The following THUMPD3 variants were observed in gnomAD, a reference collection of about 807,000 sequenced individuals.
THUMPD3 encodes the protein tRNA (guanine(6)-N(2))-methyltransferase THUMP3.
THUMPD3 carries 44 observed loss-of-function variants against 54.5 expected under a neutral mutation model. The observed-to-expected ratio is 0.81, with a 90% CI of 0.63 to 1.04. The LOEUF (loss-of-function observed/expected upper bound fraction) is 1.04, where lower values mean the gene tolerates loss of function less well. THUMPD3 is among the 50% of genes least tolerant of loss of function. The probability of loss-of-function intolerance (pLI) is 0.00; values close to 1 mark genes in which losing one functional copy is unlikely to be tolerated. For missense variants in THUMPD3, 604 were observed against 601.3 expected, an observed-to-expected ratio of 1.00 and a Z score of -0.05; for synonymous variants, 196 against 201.4, an observed-to-expected ratio of 0.97 and a Z score of 0.23.
intron 2 of THUMPD3, 43 bp downstream of exon 2, chr3:9,365,363 A>G: frequency 1.3e-6 from 2 of 1,598,386 alleles, no homozygotes; most frequent in South Asian, 1.1e-5. Context: ...TAAGTTGATC[A>G]TTTTATGGTT....
At position 9,384,653 on chromosome 3, in the gene THUMPD3, G is replaced by A. The variant is rs150825613; in HGVS notation, c.1489G>A (p.Gly497Arg). 268 of 1,614,144 alleles carry A rather than the reference G, an allele frequency of 1.7e-4. No homozygotes were observed. Among genetic ancestry groups the A allele is most frequent in the Non-Finnish European group, 2.1e-4 (246 of 1,180,032 alleles). Residue 497 changes from glycine to arginine, a missense_variant, in exon 10 of 10, where the codon GGA (glycine) becomes AGA (arginine). Coordinates refer to ENST00000452837, the MANE Select transcript of THUMPD3 (RefSeq NM_001114092.2). ...QAFVHPSEQD[G>R]ERGTLWQCKE ...TTTTGTTCATCCTTCAGAACAAGAC[G>A]GAGAAAGAGGAACTCTTTGGCAATG...
chr3:9,380,464 T>C (rs1165963370), intron 6 of THUMPD3, 39 bp from the exon 7 acceptor site: 4 of 1,343,622 alleles, frequency 3.0e-6, no homozygotes, highest in African/African-American at 2.9e-5. Context: ...TATTTTACAG[T>C]TTGCTACTTT....
At chr3:9,369,326 A>AAG (rs1166990504) in intron 3 of THUMPD3, among the ~76,000 whole-genome samples, 50 of 151,308 alleles carry the variant, frequency 3.3e-4, no homozygotes, top group African/African-American at 1.2e-3. Context: ...AAAAAAAAAA[A>AAG]AAAAAAAGAA....
chr3:9,371,882 C>CT (rs2032067667), intron 4 of THUMPD3, among the ~76,000 whole-genome samples: 1 of 152,082 alleles, frequency 6.6e-6, no homozygotes, highest in African/African-American at 2.4e-5. Context: ...TGTCTGTTTT[C>CT]TTTTTCTTTT....
chr3:9,370,638 G>A (rs188547818), intron 3 of THUMPD3, among the ~76,000 whole-genome samples: 267 of 152,218 alleles, frequency 1.8e-3, no homozygotes, highest in African/African-American at 6.1e-3. Flanking sequence ...TGGAGACAGA[G>A]TTTTGCCATG....
Position 9,383,282 on chromosome 3 carries a change from T to C in THUMPD3, c.1208T>C (p.Ile403Thr), listed in dbSNP as rs986083097. 4 of 1,613,696 alleles carry C rather than the reference T, an allele frequency of 2.5e-6. No homozygotes were observed. In the African/African-American group the frequency reaches 4.0e-5, roughly 16 times the overall value. ...LPLRTGSVDI[I>T]VTDLPFGKRM... The stretch of plus-strand genomic sequence containing the variant: ...TTGAGAACTGGCTCTGTGGATATTA[T>C]TGTAACAGATTTGCCATTTGGAAAA... The change falls in exon 8 of 10, where the codon ATT becomes ACT. Residue 403 changes from isoleucine to threonine, a missense_variant. Coordinates refer to ENST00000452837, the MANE Select transcript of THUMPD3 (RefSeq NM_001114092.2).
chr3:9,383,068 TAG>T (rs2033042984), intron 7 of THUMPD3, 129 bp from the exon 8 acceptor site: 4 of 565,354 alleles, frequency 7.1e-6, no homozygotes, highest in Admixed American at 6.0e-5. Context: ...AAATTTTGAA[TAG>T]GTTGATATTA....
chr3:9,365,428 C>T, intron 2 of THUMPD3, 108 bp downstream of exon 2: 1 of 1,347,018 alleles, frequency 7.4e-7, no homozygotes, highest in Non-Finnish European at 1.0e-6. Flanking sequence ...TTGCTCTGCC[C>T]CAAATCAGGT....
At chr3:9,364,752 A>G (rs2031363180) in intron 1 of THUMPD3, among the ~76,000 whole-genome samples, 1 of 152,260 alleles carries the variant, frequency 6.6e-6, no homozygotes, top group African/African-American at 2.4e-5. Context: ...TTTTGTCAAC[A>G]TGGGTTACCC....
chr3:9,381,960 T>G (rs1031930943), intron 7 of THUMPD3, among the ~76,000 whole-genome samples: 5 of 151,386 alleles, frequency 3.3e-5, no homozygotes, highest in African/African-American at 4.8e-5. Flanking sequence ...TTTTTTTGTA[T>G]TTTTAGTAGA....
Position 9,371,359 on chromosome 3 carries a change from T to G in THUMPD3, c.630T>G (p.Asp210Glu). The G allele has an allele frequency of 6.2e-7, 1 of 1,614,162 alleles. No homozygotes were observed. Among genetic ancestry groups the G allele is most frequent in the Non-Finnish European group, 8.5e-7 (1 of 1,180,022 alleles). The change falls in exon 4 of 10, where the codon GAT becomes GAG. Residue 210 changes from aspartate to glutamate, a missense_variant. By Grantham distance (45) the Asp-to-Glu change is conservative. Transcript: ENST00000452837. ...LIGDDLASCK[D>E]ETDESSKEET... ...GTGATGATTTGGCATCTTGCAAAGA[T>G]GAGACTGATGAAAGCTCAAAAGAAG...
chr3:9,370,978 A>C (rs1301121486), intron 3 of THUMPD3, 82 bp from the exon 4 acceptor site: 4 of 1,207,912 alleles, frequency 3.3e-6, no homozygotes, highest in Non-Finnish European at 4.6e-6. Context: ...ACGGATACCA[A>C]CTGTCCATAA....
At chr3:9,384,022 T>G (rs553485502) in intron 8 of THUMPD3, among the ~76,000 whole-genome samples, 190 bp from the exon 9 acceptor site, 10 of 152,258 alleles carry the variant, frequency 6.6e-5, no homozygotes, top group Non-Finnish European at 1.5e-4. Flanking sequence ...TAAAAAAAAT[T>G]TTTTTGATTC....
At chr3:9,374,243 C>G (rs1449509999) in intron 4 of THUMPD3, among the ~76,000 whole-genome samples, 1 of 152,166 alleles carries the variant, frequency 6.6e-6, no homozygotes, top group Non-Finnish European at 1.5e-5. Context: ...GATTTCACCC[C>G]AATTTTTATA....
At chr3:9,365,371 G>A in intron 2 of THUMPD3, 51 bp downstream of exon 2, 2 of 1,592,422 alleles carry the variant, frequency 1.3e-6, no homozygotes, top group Non-Finnish European at 1.7e-6. Context: ...TCATTTTATG[G>A]TTACTTTTCA....
At chr3:9,375,844 G>T (rs1169983120) in intron 5 of THUMPD3, among the ~76,000 whole-genome samples, 1 of 152,192 alleles carries the variant, frequency 6.6e-6, no homozygotes, top group Non-Finnish European at 1.5e-5. Context: ...TAACGCAGTG[G>T]TATTTGTGTA....
intron 8 of THUMPD3, among the ~76,000 whole-genome samples, chr3:9,383,929 T>C (rs923546146): frequency 1.3e-5 from 2 of 152,200 alleles, no homozygotes; most frequent in Non-Finnish European, 2.9e-5. Context: ...CTGGCCTAAA[T>C]GATTTCTAAT....
chr3:9,368,931 A>G (rs1336858389), intron 3 of THUMPD3, among the ~76,000 whole-genome samples: 3 of 152,190 alleles, frequency 2.0e-5, no homozygotes, highest in Non-Finnish European at 4.4e-5. Context: ...TTTCTGCGCT[A>G]TGCTTTTTTT....
At chr3:9,371,780 T>A (rs186251174) in intron 4 of THUMPD3, among the ~76,000 whole-genome samples, 1 of 152,384 alleles carries the variant, frequency 6.6e-6, no homozygotes, top group African/African-American at 2.4e-5. Flanking sequence ...TTTAAGGTTA[T>A]CCTGAAGGAT....
Sources: gnomAD v4.1 joint callset for allele counts (sites outside exome capture counted in the v4.1 genomes callset) on GRCh38, gnomAD v4.1.1 for gene constraint, MANE v1.5 for transcripts, NCBI Gene and HGNC (gene_info 2026-07-23, HGNC 2026-07-21) for gene names.